TAFA2: variants seen among roughly 807,000 people sequenced by gnomAD.
The protein encoded by TAFA2 is chemokine-like protein TAFA-2.
Under a neutral mutation model 18.8 loss-of-function variants are expected in TAFA2, and 7 were observed. The observed-to-expected ratio is 0.37, with a 90% CI of 0.21 to 0.70. TAFA2 has a LOEUF of 0.70. Ranked by LOEUF, TAFA2 falls within the 30% of genes least tolerant of loss-of-function variation. The probability of loss-of-function intolerance (pLI) is 0.53; values close to 1 mark genes in which losing one functional copy is unlikely to be tolerated. For synonymous variants in TAFA2, 60 were observed against 54.2 expected, an observed-to-expected ratio of 1.11 and a Z score of -0.47; for missense variants, 122 against 158.1, an observed-to-expected ratio of 0.77 and a Z score of 1.23.
intron 1 of TAFA2, among the ~76,000 whole-genome samples, chr12:62,257,336 C>G (rs559229637): frequency 6.6e-6 from 1 of 152,178 alleles, no homozygotes; most frequent in African/African-American, 2.4e-5. Flanking sequence ...AACTGTATTA[C>G]AAAATGCAGT....
chr12:61,888,050 G>C (rs955414434), intron 1 of TAFA2, among the ~76,000 whole-genome samples: 1 of 151,866 alleles, frequency 6.6e-6, no homozygotes, highest in African/African-American at 2.4e-5. Context: ...ACACCAGTTA[G>C]AATGGCAATC....
At chr12:61,906,715 T>C (rs1876372046) in intron 1 of TAFA2, among the ~76,000 whole-genome samples, 1 of 152,188 alleles carries the variant, frequency 6.6e-6, no homozygotes, top group Non-Finnish European at 1.5e-5. Context: ...TCCTGGAAAC[T>C]GGTTGAATGG....
chr12:61,758,147 C>T (rs1869364451), intron 2 of TAFA2, among the ~76,000 whole-genome samples: 1 of 151,348 alleles, frequency 6.6e-6, no homozygotes, highest in African/African-American at 2.4e-5. Flanking sequence ...ATGTTAGTGG[C>T]ATGAAAAAAA....
At chr12:61,771,355 T>G (rs913195292) in intron 2 of TAFA2, among the ~76,000 whole-genome samples, 10 of 151,970 alleles carry the variant, frequency 6.6e-5, no homozygotes, top group African/African-American at 2.4e-4. Context: ...ACAATGGACT[T>G]AAACTATACC....
intron 1 of TAFA2, among the ~76,000 whole-genome samples, chr12:62,244,254 C>A (rs1477859543): frequency 1.3e-5 from 1 of 79,032 alleles, no homozygotes. Flanking sequence ...TTTTTTTTTG[C>A]ATAATGTTTT....
In TAFA2 at chr12:61,821,166, A is replaced by T. The variant is rs548156869; in HGVS notation, c.106+46154T>A. Among the ~76,000 whole-genome samples the T allele has an allele frequency of 2.0e-3, 236 of 120,658 alleles. 2 individuals are homozygous for T. Among genetic ancestry groups the T allele is most frequent in the Non-Finnish European group, 3.3e-3 (180 of 54,570 alleles). The allele number at this position is 120,658 out of a possible 152,430, so 79.2% of individuals were successfully genotyped here. A position where few individuals can be genotyped will look rare whatever the true frequency, so the allele number is the denominator to read the frequency against. On this transcript the variant is annotated intron_variant, in intron 2 of 4. Transcript: ENST00000416284. ...ACACACACACACACACACACACACAATTATTTGGAGGGTGCTGAAACATCT... is the reference window on the plus strand; with the variant it reads ...ACACACACACACACACACACACACATTTATTTGGAGGGTGCTGAAACATCT...
chr12:61,891,078 A>C (rs1044711735), intron 1 of TAFA2, among the ~76,000 whole-genome samples: 3 of 152,226 alleles, frequency 2.0e-5, no homozygotes, highest in Non-Finnish European at 4.4e-5. Context: ...AGTAATTAAC[A>C]GAAGTAACAT....
intron 2 of TAFA2, among the ~76,000 whole-genome samples, chr12:61,839,001 G>T (rs751055651): frequency 1.2e-4 from 19 of 152,018 alleles, no homozygotes; most frequent in Non-Finnish European, 1.0e-4. Flanking sequence ...GGGGGAAAAA[G>T]AAATAATGCA....
At chr12:62,035,742 T>A (rs1294378896) in intron 1 of TAFA2, among the ~76,000 whole-genome samples, 1 of 129,590 alleles carries the variant, frequency 7.7e-6, no homozygotes, top group Non-Finnish European at 1.6e-5. Context: ...TCTTTTTTTT[T>A]TTTTTTTTTT....
intron 1 of TAFA2, among the ~76,000 whole-genome samples, chr12:62,245,476 T>C (rs1164377288): frequency 6.6e-6 from 1 of 151,790 alleles, no homozygotes; most frequent in East Asian, 1.9e-4. Context: ...ATATTGTCAA[T>C]AAATAGAGAC....
At chr12:62,147,012 G>T (rs1432596776) in intron 1 of TAFA2, among the ~76,000 whole-genome samples, 13 of 151,620 alleles carry the variant, frequency 8.6e-5, no homozygotes. Flanking sequence ...AAATAAAGCT[G>T]CATACCTACA....
intron 2 of TAFA2, among the ~76,000 whole-genome samples, chr12:61,856,016 T>C (rs997950052): frequency 1.3e-4 from 20 of 152,120 alleles, no homozygotes; most frequent in Non-Finnish European, 2.6e-4. Context: ...AAAACCCATG[T>C]CTATCTAGAT....
At position 61,709,300 on chromosome 12, in the gene TAFA2, A is replaced by G. The variant is rs571066230; in HGVS notation, c.*1106T>C. ...CCTAACAAATTGTTTGAATAGGAAA[A>G]CTGTAAGCAAATATTTATAAATTTG... is the stretch of plus-strand genomic sequence containing the variant. On this transcript the variant is annotated 3_prime_UTR_variant, in exon 5 of 5. Transcript: ENST00000416284. The G allele has an allele frequency of 2.0e-5, 3 of 152,580 alleles. No individual in the cohort carries two copies. The East Asian group carries it at 5.8e-4, about 29-fold the overall frequency. The allele number at this position is 152,580 out of a possible 1,614,324, so 9.5% of individuals were successfully genotyped here.
intron 2 of TAFA2, among the ~76,000 whole-genome samples, chr12:61,773,484 T>C (rs1186958824): frequency 6.6e-6 from 1 of 151,618 alleles, no homozygotes; most frequent in African/African-American, 2.4e-5. Flanking sequence ...CACCAAAACA[T>C]CATGGTACTG....
At chr12:61,955,574 C>T (rs1338534679) in intron 1 of TAFA2, among the ~76,000 whole-genome samples, 1 of 121,136 alleles carries the variant, frequency 8.3e-6, no homozygotes, top group African/African-American at 3.2e-5. Context: ...TGCACTCCAG[C>T]CTGGCGACAC....
chr12:62,083,711 C>T (rs998415368), intron 1 of TAFA2, among the ~76,000 whole-genome samples: 9 of 152,120 alleles, frequency 5.9e-5, no homozygotes, highest in East Asian at 1.9e-4. Flanking sequence ...GTGTCTTACA[C>T]TTTTTAAATA....
intron 4 of TAFA2, among the ~76,000 whole-genome samples, chr12:61,724,093 A>T (rs1592345576): frequency 1.3e-5 from 2 of 152,272 alleles, no homozygotes; most frequent in Non-Finnish European, 2.9e-5. Flanking sequence ...GCATGCACAC[A>T]AACAGAATTA....
chr12:62,016,704 TTCA>T (rs1382684770), intron 1 of TAFA2, among the ~76,000 whole-genome samples: 1 of 152,132 alleles, frequency 6.6e-6, no homozygotes, highest in African/African-American at 2.4e-5. Context: ...CTACCAATCA[TTCA>T]TACCGATAGC....
At chr12:62,171,994 G>A (rs2062481048) in intron 1 of TAFA2, among the ~76,000 whole-genome samples, 1 of 152,132 alleles carries the variant, frequency 6.6e-6, no homozygotes, top group African/African-American at 2.4e-5. Flanking sequence ...TGGAGGATTA[G>A]GAAAATGGTC....
Sources: gnomAD v4.1 joint callset for allele counts (sites outside exome capture counted in the v4.1 genomes callset) on GRCh38, gnomAD v4.1.1 for gene constraint, MANE v1.5 for transcripts, NCBI Gene and HGNC (gene_info 2026-07-23, HGNC 2026-07-21) for gene names.